The following CENPI variants were observed in gnomAD, a reference collection of about 807,000 sequenced individuals.
CENPI encodes the protein FSH primary response 1.
Under a neutral mutation model 60.4 loss-of-function variants are expected in CENPI, and 4 were observed. The ratio of observed to expected loss-of-function variants is 0.07; its 90% confidence interval spans 0.03 to 0.15. The LOEUF (loss-of-function observed/expected upper bound fraction) is 0.15, where lower values mean the gene tolerates loss of function less well. Ranked by LOEUF, CENPI falls within the 10% of genes least tolerant of loss-of-function variation. CENPI has a pLI of 1.00. For synonymous variants in CENPI, 157 were observed against 189.4 expected, an observed-to-expected ratio of 0.83 and a Z score of 1.40; for missense variants, 444 against 534.5, an observed-to-expected ratio of 0.83 and a Z score of 1.67.
chrX:101,139,304 A>G (rs1160388674), intron 15 of CENPI, among the ~76,000 whole-genome samples: 1 of 106,401 alleles, frequency 9.4e-6, no homozygotes, highest in African/African-American at 3.4e-5. Flanking sequence ...CATGCTGGCC[A>G]GGCTGATCTC....
chrX:101,120,603 C>A, intron 7 of CENPI, 135 bp from the exon 8 acceptor site: 1 of 664,002 alleles, frequency 1.5e-6, no homozygotes, highest in African/African-American at 2.2e-5. Flanking sequence ...TGCTTAATGG[C>A]TTAACTGAAC....
At chrX:101,124,789 C>A (rs1428943022) in intron 8 of CENPI, among the ~76,000 whole-genome samples, 1 of 111,757 alleles carries the variant, frequency 8.9e-6, no homozygotes, top group Non-Finnish European at 1.9e-5. Context: ...TGTTTGCTTC[C>A]CCTTCCGCCA....
At chrX:101,178,376 T>G in the CENPI span, among the ~76,000 whole-genome samples, 2 of 102,867 alleles carry the variant, frequency 1.9e-5, no homozygotes, top group Non-Finnish European at 3.9e-5. Flanking sequence ...TTAGGATCTA[T>G]GCTTCTTCTT....
chrX:101,152,697 C>A (rs987771723), intron 20 of CENPI, among the ~76,000 whole-genome samples: 1 of 111,097 alleles, frequency 9.0e-6, no homozygotes, highest in Non-Finnish European at 1.9e-5. Flanking sequence ...CCACAGTGCC[C>A]GGACTGGCTT....
At chrX:101,171,312 T>A in the CENPI span, among the ~76,000 whole-genome samples, 1 of 111,635 alleles carries the variant, frequency 9.0e-6, no homozygotes, top group Non-Finnish European at 1.9e-5. Flanking sequence ...CAATTTTTTT[T>A]AAAATGAAAA....
chrX:101,165,471 T>A lies in CENPI; in HGVS notation c.*2504T>A, dbSNP rs1429844523. 8.9e-6 allele frequency among the ~76,000 whole-genome samples: 1 copy of A among 111,898 alleles called. No individual in the cohort carries two copies. Among genetic ancestry groups the A allele is most frequent in the Non-Finnish European group, 1.9e-5 (1 of 53,216 alleles). On this transcript the variant is annotated 3_prime_UTR_variant, in exon 22 of 22. Coordinates refer to ENST00000682095, the MANE Select transcript of CENPI (RefSeq NM_001386188.2). The stretch of plus-strand genomic sequence containing the variant: ...AAGGATGACTCAGATTTTTGACCTG[T>A]CAATTGGGTGAACTCTGAGATTAAA...
At chrX:101,113,474 G>A (rs998882842) in intron 6 of CENPI, among the ~76,000 whole-genome samples, 6 of 110,470 alleles carry the variant, frequency 5.4e-5, no homozygotes, top group African/African-American at 2.0e-4. Context: ...GTGCTACCAC[G>A]CCCAGCTAAT....
intron 15 of CENPI, among the ~76,000 whole-genome samples, chrX:101,140,124 CCG>C: frequency 1.8e-5 from 2 of 112,360 alleles, no homozygotes; most frequent in Non-Finnish European, 3.8e-5. Flanking sequence ...GCGTGAGCCA[CCG>C]CACCCAGCCC....
chrX:101,122,737 G>A lies in CENPI; in HGVS notation c.687+1953G>A, dbSNP rs749029356. Among the ~76,000 whole-genome samples, 8 of 110,981 alleles carry A rather than the reference G, an allele frequency of 7.2e-5. No individual in the cohort carries two copies. The South Asian group carries it at 2.7e-3, about 37-fold the overall frequency. ...CTAAAAATACAAAAAATAGCTGGGC[G>A]TGATGGTGGGCACCTGCAATCCCAG... On this transcript the variant is annotated intron_variant, in intron 8 of 21. Transcript: ENST00000682095.
Position 101,129,882 on chromosome X carries a change from C to CT in CENPI, c.1196-94dup, listed in dbSNP as rs1019452604. 1.8e-5 allele frequency: 10 copies of CT among 561,486 alleles called. No individual in the cohort carries two copies. In the Admixed American group the frequency reaches 2.7e-4, roughly 15 times the overall value. The allele number at this position is 561,486 out of a possible 1,213,427, so 46.3% of individuals were successfully genotyped here. A position where few individuals can be genotyped will look rare whatever the true frequency, so the allele number is the denominator to read the frequency against. Reference sequence around the variant, plus strand: ...TAGCTAGGATGTATGAGACTTATGGCTTTTTTACTTTGTCACTTGTCACTT... The same window carrying CT: ...TAGCTAGGATGTATGAGACTTATGGCTTTTTTTACTTTGTCACTTGTCACTT... On this transcript the variant is annotated intron_variant, in intron 12 of 21. Coordinates refer to ENST00000682095, the MANE Select transcript of CENPI (RefSeq NM_001386188.2).
Position 101,101,194 on chromosome X carries a change from A to G in CENPI, c.124A>G (p.Ile42Val). The change falls in exon 3 of 22, where the codon ATC becomes GTC. Residue 42 changes from isoleucine to valine, a missense_variant. Coordinates refer to ENST00000682095, the MANE Select transcript of CENPI (RefSeq NM_001386188.2). The part of the protein sequence containing the change: ...VKQDPSNSKN[I>V]SKHGQNNPVG... The stretch of plus-strand genomic sequence containing the variant: ...ACAGGATCCAAGCAACTCGAAGAAC[A>G]TCTCAAAACATGGACAAAACAATCC... The G allele has an allele frequency of 1.7e-6, 2 of 1,209,789 alleles. No individual in the cohort carries two copies. The highest frequency in any genetic ancestry group is 1.8e-5 in the South Asian group (1 of 56,969).
At chrX:101,100,926 G>T (rs1389520250) in intron 2 of CENPI, 132 bp from the exon 3 acceptor site, 2 of 433,088 alleles carry the variant, frequency 4.6e-6, no homozygotes, top group African/African-American at 4.9e-5. Context: ...CTGGATTGTT[G>T]TCAACTTATT....
downstream of CENPI, among the ~76,000 whole-genome samples, chrX:101,169,956 A>C (rs1016244611): frequency 6.2e-5 from 7 of 112,394 alleles, no homozygotes; most frequent in Admixed American, 9.5e-5. Context: ...AAAGAGTAAA[A>C]AATTTTAAAA....
At chrX:101,109,807 T>G in intron 5 of CENPI, 84 bp from the exon 6 acceptor site, 2 of 671,990 alleles carry the variant, frequency 3.0e-6, no homozygotes, top group Non-Finnish European at 4.6e-6. Flanking sequence ...AAAATAGCCC[T>G]GGTGGCGGGG....
chrX:101,109,075 GTT>G (rs869245080), intron 4 of CENPI, among the ~76,000 whole-genome samples: 786 of 47,220 alleles, frequency 0.017, 9 homozygotes, highest in African/African-American at 0.063. Flanking sequence ...GAGGTGTGGT[GTT>G]TTTTTTTTTT....
At chrX:101,126,874 A>G in intron 9 of CENPI, 76 bp downstream of exon 9, 1 of 938,069 alleles carries the variant, frequency 1.1e-6, no homozygotes, top group Non-Finnish European at 1.5e-6. Flanking sequence ...TACAGATTTC[A>G]ACTAAAATGT....
At chrX:101,162,707 C>T (rs936172302) in intron 21 of CENPI, 126 bp from the exon 22 acceptor site, 20 of 685,153 alleles carry the variant, frequency 2.9e-5, no homozygotes, top group Non-Finnish European at 4.4e-5. Flanking sequence ...AGCTCATTTC[C>T]CCCCCGAACT....
intron 15 of CENPI, among the ~76,000 whole-genome samples, chrX:101,132,826 T>C (rs1017407882): frequency 8.9e-6 from 1 of 112,012 alleles, no homozygotes; most frequent in African/African-American, 3.2e-5. Flanking sequence ...AATACCCTTC[T>C]TGACACTGGG....
intron 16 of CENPI, among the ~76,000 whole-genome samples, chrX:101,144,087 C>CTTT (rs58858609): frequency 0.13 from 10,655 of 79,414 alleles, 927 homozygotes; most frequent in Non-Finnish European, 0.19. Flanking sequence ...TTTTCTTTTT[C>CTTT]TTTTTTTTTT....
Sources: allele counts gnomAD v4.1 joint callset (sites outside exome capture counted in the v4.1 genomes callset), GRCh38; gene constraint gnomAD v4.1.1; transcripts MANE v1.5; gene names NCBI Gene and HGNC (gene_info 2026-07-23, HGNC 2026-07-21).